The following PCDH15 variants were observed in gnomAD, a reference collection of about 807,000 sequenced individuals.
The protein encoded by PCDH15 is protocadherin-15.
PCDH15 carries 129 observed loss-of-function variants against 178.5 expected under a neutral mutation model. The observed-to-expected ratio is 0.72, with a 90% confidence interval of 0.63 to 0.84. The LOEUF (loss-of-function observed/expected upper bound fraction) is 0.84. Among genes scored for constraint, PCDH15 ranks in the 40% least tolerant of loss-of-function variants. The pLI, the probability that PCDH15 is intolerant of heterozygous loss-of-function variation, is 0.00. For missense variants in PCDH15, 2,230 were observed against 2,099.9 expected (o/e 1.06, Z -1.21); for synonymous variants, 800 against 732.0 (o/e 1.09, Z -1.50).
intron 2 of PCDH15, among the ~76,000 whole-genome samples, chr10:55,022,088 T>C (rs559608485): frequency 4.6e-5 from 7 of 152,012 alleles, no homozygotes; most frequent in Middle Eastern, 3.4e-3. Flanking sequence ...TAAAGTTAGA[T>C]AGGAGGAATA....
intron 15 of PCDH15, among the ~76,000 whole-genome samples, chr10:54,090,658 A>C (rs916150995): frequency 4.6e-5 from 7 of 152,064 alleles, no homozygotes; most frequent in African/African-American, 1.7e-4. Flanking sequence ...AAAAAAAAAA[A>C]AAAAGTGCTA....
intron 25 of PCDH15, among the ~76,000 whole-genome samples, chr10:53,923,819 T>C (rs575829831): frequency 3.3e-5 from 5 of 152,370 alleles, no homozygotes; most frequent in East Asian, 1.9e-4. Context: ...ACATAAATTG[T>C]ACTCATTTTT....
chr10:54,877,994 G>A (rs1372578742), intron 3 of PCDH15, among the ~76,000 whole-genome samples: 3 of 128,062 alleles, frequency 2.3e-5, no homozygotes, highest in Non-Finnish European at 3.2e-5. Flanking sequence ...GTGGAGTCTC[G>A]CTCTGTTGCC....
intron 2 of PCDH15, among the ~76,000 whole-genome samples, chr10:55,355,333 G>A (rs769909327): frequency 2.6e-5 from 4 of 151,942 alleles, no homozygotes; most frequent in Non-Finnish European, 4.4e-5. Flanking sequence ...GAAAGTGATC[G>A]AGTGTTTTCC....
chr10:55,483,843 T>C (rs1840238692), intron 2 of PCDH15, among the ~76,000 whole-genome samples: 1 of 146,928 alleles, frequency 6.8e-6, no homozygotes, highest in South Asian at 2.1e-4. Context: ...GACACATGGA[T>C]ACATGCATGC....
At chr10:54,067,422 C>T (rs1456830865) in intron 17 of PCDH15, among the ~76,000 whole-genome samples, 2 of 152,126 alleles carry the variant, frequency 1.3e-5, no homozygotes, top group African/African-American at 4.8e-5. Flanking sequence ...ATATACTAGG[C>T]ATGAAATGAT....
chr10:53,823,917 A>G (rs892347215), intron 32 of PCDH15: 1 of 383,262 alleles, frequency 2.6e-6, no homozygotes. Flanking sequence ...CAGCCCAAAA[A>G]TCACAATTGA....
intron 1 of PCDH15, among the ~76,000 whole-genome samples, chr10:55,226,175 A>G (rs1157693882): frequency 6.6e-6 from 1 of 152,110 alleles, no homozygotes; most frequent in Admixed American, 6.5e-5. Flanking sequence ...TAAAATATGA[A>G]CTGGCAGCCA....
At chr10:55,591,940 C>T (rs182138209) in intron 2 of PCDH15, among the ~76,000 whole-genome samples, 6 of 152,204 alleles carry the variant, frequency 3.9e-5, no homozygotes, top group Admixed American at 2.6e-4. Flanking sequence ...ATACATGCTA[C>T]ACTTGTTTTC....
At chr10:55,308,162 C>T (rs368629213) in intron 1 of PCDH15, among the ~76,000 whole-genome samples, 58 of 152,148 alleles carry the variant, frequency 3.8e-4, no homozygotes, top group African/African-American at 1.3e-3. Context: ...TATAATGAGA[C>T]CTAATTAATC....
At chr10:54,847,331 G>A (rs1232221200) in intron 3 of PCDH15, among the ~76,000 whole-genome samples, 1 of 151,838 alleles carries the variant, frequency 6.6e-6, no homozygotes, top group East Asian at 1.9e-4. Context: ...TTACTTTGAG[G>A]TATTTTTCTC....
intron 2 of PCDH15, among the ~76,000 whole-genome samples, chr10:55,433,302 A>G (rs1306137493): frequency 6.6e-6 from 1 of 152,192 alleles, no homozygotes; most frequent in African/African-American, 2.4e-5. Context: ...TTTGCAGGCA[A>G]CATGGATGGA....
chr10:54,853,992 G>A (rs1168182859), intron 3 of PCDH15, among the ~76,000 whole-genome samples: 1 of 152,154 alleles, frequency 6.6e-6, no homozygotes, highest in Non-Finnish European at 1.5e-5. Flanking sequence ...CTAGGCTTAT[G>A]CTACCAGCCT....
At chr10:55,375,577 T>C (rs992443737) in intron 2 of PCDH15, among the ~76,000 whole-genome samples, 2 of 152,150 alleles carry the variant, frequency 1.3e-5, no homozygotes, top group African/African-American at 4.8e-5. Context: ...GTCTTCTCTA[T>C]GTCTAATTTA....
chr10:54,911,412 T>A (rs1015718552), intron 2 of PCDH15, among the ~76,000 whole-genome samples: 2 of 152,210 alleles, frequency 1.3e-5, no homozygotes, highest in Non-Finnish European at 2.9e-5. Context: ...CATGCTTAGA[T>A]ATACAGGTTC....
intron 3 of PCDH15, among the ~76,000 whole-genome samples, chr10:54,470,521 C>A (rs2077837353): frequency 6.6e-6 from 1 of 152,124 alleles, no homozygotes; most frequent in Non-Finnish European, 1.5e-5. Flanking sequence ...GCTTAGGCTT[C>A]AGTGTGGGTA....
chr10:55,354,863 T>C (rs1004797416), intron 2 of PCDH15, among the ~76,000 whole-genome samples: 2 of 152,014 alleles, frequency 1.3e-5, no homozygotes, highest in African/African-American at 4.8e-5. Context: ...ACAGAGCAAT[T>C]CTATCACGGA....
chr10:54,688,645 T>C (rs759562309), intron 1 of PCDH15, among the ~76,000 whole-genome samples: 17 of 152,144 alleles, frequency 1.1e-4, no homozygotes, highest in Non-Finnish European at 1.9e-4. Flanking sequence ...TTTGAAAATC[T>C]AGCCATGTAA....
chr10:54,101,806 G>GA (rs967351874), intron 15 of PCDH15, among the ~76,000 whole-genome samples: 16 of 150,332 alleles, frequency 1.1e-4, no homozygotes, highest in South Asian at 2.1e-4. Context: ...TCTATACCAA[G>GA]AAAAAAAAAG....
Sources: gnomAD v4.1 joint callset for allele counts (sites outside exome capture counted in the v4.1 genomes callset) on GRCh38, gnomAD v4.1.1 for gene constraint, MANE v1.5 for transcripts, NCBI Gene and HGNC (gene_info 2026-07-23, HGNC 2026-07-21) for gene names.